The following ABR variants were observed in gnomAD, a reference collection of about 807,000 sequenced individuals.
The protein encoded by ABR is ABR activator of RhoGEF and GTPase.
ABR carries 35 observed loss-of-function variants against 107.2 expected under a neutral mutation model. The observed-to-expected ratio is 0.33, with a 90% CI of 0.25 to 0.43. The LOEUF (loss-of-function observed/expected upper bound fraction) is 0.43, where lower values mean the gene tolerates loss of function less well. Among genes scored for constraint, ABR ranks in the 20% least tolerant of loss-of-function variants. The pLI is 1.00. For synonymous variants in ABR, 498 were observed against 462.0 expected (o/e 1.08, Z -1.00); for missense variants, 815 against 1,115.2 (o/e 0.73, Z 3.83).
intron 1 of ABR, among the ~76,000 whole-genome samples, chr17:1,147,314 T>G (rs969118186): frequency 1.3e-5 from 2 of 151,914 alleles, no homozygotes; most frequent in African/African-American, 2.4e-5. Context: ...AGCAGCTTGC[T>G]TGTGTTAAGT....
chr17:1,121,859 G>C (rs1307656362), intron 2 of ABR, among the ~76,000 whole-genome samples: 1 of 152,226 alleles, frequency 6.6e-6, no homozygotes, highest in Non-Finnish European at 1.5e-5. Context: ...CTGAGGCTCA[G>C]CGGTATGAGG....
chr17:1,018,490 C>T (rs1023411110), intron 16 of ABR, among the ~76,000 whole-genome samples: 1 of 152,204 alleles, frequency 6.6e-6, no homozygotes, highest in African/African-American at 2.4e-5. Flanking sequence ...TCCGATTCAC[C>T]CACAGCCCCT....
At chr17:1,167,867 A>C (rs975716093) in intron 1 of ABR, among the ~76,000 whole-genome samples, 1 of 152,192 alleles carries the variant, frequency 6.6e-6, no homozygotes. Flanking sequence ...AAACAACACG[A>C]TATCGGCCGG....
In ABR at chr17:1,081,020, G is replaced by A. The variant is rs189156762; in HGVS notation, c.640-1630C>T. Among the ~76,000 whole-genome samples the A allele has an allele frequency of 6.6e-5, 10 of 152,302 alleles. No homozygotes were observed. In the East Asian group the frequency reaches 1.9e-3, roughly 29 times the overall value. The stretch of plus-strand genomic sequence containing the variant: ...TGGCTCTGCCCTCCAGGGTGGGCAG[G>A]CTGTGAGGGGCTTATGGTTGGGTGT... On this transcript the variant is annotated intron_variant, in intron 5 of 22. Coordinates refer to ENST00000302538, the MANE Select transcript of ABR (RefSeq NM_021962.5).
Position 1,069,978 on chromosome 17 carries a change from GTCT to G in ABR, c.1004_1006del (p.Lys335del), listed in dbSNP as rs759652601. On this transcript the variant is annotated inframe_deletion, in exon 9 of 23. Transcript: ENST00000302538. The stretch of plus-strand genomic sequence containing the variant: ...GGACTCACACACTCACCCTGCAGAG[GTCT>G]TCTTCAGCTTGGCACACAGTAGGAC... 3 of 1,611,704 alleles carry G rather than the reference GTCT, an allele frequency of 1.9e-6. No homozygotes were observed. Among genetic ancestry groups the G allele is most frequent in the East Asian group, 2.2e-5 (1 of 44,692 alleles).
At chr17:1,130,351 A>C in intron 1 of ABR, among the ~76,000 whole-genome samples, 4 of 148,736 alleles carry the variant, frequency 2.7e-5, no homozygotes, top group Admixed American at 6.8e-5. Context: ...CCCGCCCCTC[A>C]TCTCCTGCAC....
Position 1,223,439 on chromosome 17 carries a change from T to G in ABR, c.838+5354A>C, listed in dbSNP as rs532321857. On this transcript the variant is annotated intron_variant, in intron 1 of 22. Coordinates refer to the ABR transcript ENST00000574139. ...ATCCTGAGAGGGAAGTACTAATATT[T>G]GAGGCGGTACAGCTTGGTGTGCGAA... 4.6e-5 allele frequency among the ~76,000 whole-genome samples: 7 copies of G among 152,250 alleles called. No homozygotes were observed. The East Asian group carries it at 1.4e-3, about 29-fold the overall frequency.
At chr17:1,093,300 C>A (rs1206831092) in intron 3 of ABR, among the ~76,000 whole-genome samples, 1 of 151,982 alleles carries the variant, frequency 6.6e-6, no homozygotes, top group Non-Finnish European at 1.5e-5. Flanking sequence ...GAAACCCCGT[C>A]TCTACTAAAA....
chr17:1,075,753 G>A (rs964037583), intron 6 of ABR, among the ~76,000 whole-genome samples: 1 of 152,162 alleles, frequency 6.6e-6, no homozygotes, highest in African/African-American at 2.4e-5. Context: ...AAAATATAGA[G>A]ACGAGGGGCC....
At chr17:1,111,919 G>A (rs911764388) in intron 2 of ABR, among the ~76,000 whole-genome samples, 5 of 152,296 alleles carry the variant, frequency 3.3e-5, no homozygotes, top group African/African-American at 1.2e-4. Context: ...CACACATCTG[G>A]ACCAAAGGAC....
At chr17:1,021,451 C>G (rs1190775276) in intron 16 of ABR, among the ~76,000 whole-genome samples, 1 of 152,254 alleles carries the variant, frequency 6.6e-6, no homozygotes, top group African/African-American at 2.4e-5. Context: ...CCCTCTGAGC[C>G]CCGGCATCCC....
chr17:1,100,576 C>A (rs1041919486), intron 3 of ABR, 61 bp downstream of exon 3: 2 of 1,507,606 alleles, frequency 1.3e-6, no homozygotes, highest in South Asian at 2.3e-5. Context: ...AGCTTCAGAG[C>A]ATGACATCAC....
At chr17:1,024,024 C>CAAAAAAAAAAAAAAAAAAAAAAAAA (rs11334940) in intron 16 of ABR, among the ~76,000 whole-genome samples, 3 of 47,678 alleles carry the variant, frequency 6.3e-5, no homozygotes, top group Admixed American at 2.7e-4. Flanking sequence ...GACTCCATCT[C>CAAAAAAAAAAAAAAAAAAAAAAAAA]AAAAAAAAAA....
At chr17:1,117,787 CCCCAGCGTTATCCCTGAGCCTGAGTCCT>C (rs2039092825) in intron 2 of ABR, among the ~76,000 whole-genome samples, 7 of 26,626 alleles carry the variant, frequency 2.6e-4, no homozygotes, top group African/African-American at 1.5e-3. Context: ...CCTGAGTTCT[CCCCAGCGTTATCCCTGAGCCTGAGTCCT>C]CCCAGCGTTA....
At chr17:1,217,372 T>C (rs2043030347) in intron 1 of ABR, among the ~76,000 whole-genome samples, 1 of 152,194 alleles carries the variant, frequency 6.6e-6, no homozygotes. Flanking sequence ...CAAGATACCA[T>C]GTTTCACCTT....
intron 16 of ABR, among the ~76,000 whole-genome samples, chr17:1,041,415 T>C (rs1047501857): frequency 6.6e-6 from 1 of 151,928 alleles, no homozygotes; most frequent in African/African-American, 2.4e-5. Context: ...GAAGGTGGGG[T>C]AGGAATAGTT....
At chr17:1,104,721 C>T (rs9905636) in intron 2 of ABR, among the ~76,000 whole-genome samples, 2 of 152,222 alleles carry the variant, frequency 1.3e-5, no homozygotes, top group Admixed American at 6.5e-5. Flanking sequence ...CAGCGCTAGG[C>T]GCTGAGGAAG....
chr17:1,078,757 A>G lies in ABR; in HGVS notation c.700+573T>C. 1.3e-6 allele frequency: 2 copies of G among 1,513,612 alleles called. No homozygotes were observed. The highest frequency in any genetic ancestry group is 1.8e-6 in the Non-Finnish European group (2 of 1,127,884). The allele number at this position is 1,513,612 out of a possible 1,614,324, so 93.8% of individuals were successfully genotyped here. On this transcript the variant is annotated intron_variant, in intron 6 of 22. Transcript: ENST00000302538. The surrounding 1 kb of genome is among the most constrained non-coding windows in gnomAD (Gnocchi z 7.5). ...CCCCGGCCACATCTAAGCCCACTCC[A>G]GCCGGCCCCCAGAGGTGGGAGGGTC...
chr17:1,057,308 T>G (rs12452995), intron 12 of ABR, among the ~76,000 whole-genome samples: 1,380 of 67,800 alleles, frequency 0.02, 295 homozygotes, highest in East Asian at 0.069. Flanking sequence ...CTGAAGAGGT[T>G]TGTGTGTGTG....
Sources: allele counts gnomAD v4.1 joint callset (sites outside exome capture counted in the v4.1 genomes callset), GRCh38; gene constraint gnomAD v4.1.1; non-coding constraint Gnocchi (gnomAD v3.1); transcripts MANE v1.5; gene names NCBI Gene and HGNC (gene_info 2026-07-23, HGNC 2026-07-21).